Variants in SURF2 observed in about 807,000 individuals in gnomAD.
The protein encoded by SURF2 is surfeit locus protein 2.
In SURF2, 32 loss-of-function variants were observed where a neutral mutation model predicts 26.2. The ratio of observed to expected loss-of-function variants is 1.22; its 90% CI spans 0.92 to 1.64. SURF2 has a LOEUF of 1.64. Among genes scored for constraint, SURF2 ranks in the 40% most tolerant of loss-of-function variants. The probability of loss-of-function intolerance (pLI) is 0.00; values close to 1 mark genes in which losing one functional copy is unlikely to be tolerated. For missense variants in SURF2, 415 were observed against 341.6 expected (o/e 1.21, Z -1.69); for synonymous variants, 173 against 139.1 (o/e 1.24, Z -1.71).
chr9:133,359,787 A>G (rs1047556447), intron 3 of SURF2, among the ~76,000 whole-genome samples, 163 bp from the exon 4 acceptor site: 1 of 152,152 alleles, frequency 6.6e-6, no homozygotes, highest in Non-Finnish European at 1.5e-5. Flanking sequence ...CTCCCTGCAC[A>G]CCTGGTAGGA....
At chr9:133,360,662 C>A (rs1020494960) in intron 5 of SURF2, among the ~76,000 whole-genome samples, 17 of 152,248 alleles carry the variant, frequency 1.1e-4, no homozygotes, top group African/African-American at 3.6e-4. Flanking sequence ...ACGGTCAAGA[C>A]CACTGGTTTG....
rs2130035594 is a variant in SURF2 at position 133,357,698 on chromosome 9, C to T, written c.234-13C>T. On this transcript the variant is annotated splice_polypyrimidine_tract_variant and intron_variant, in intron 2 of 5. Transcript: ENST00000371964. ...TGAACTGTCCCTACAAATTTGGTCT[C>T]TCTGCTCTGTAGGCACCAGTTGTTC... is the stretch of plus-strand genomic sequence containing the variant. 1.5e-5 allele frequency: 25 copies of T among 1,613,488 alleles called. 1 individual carries two copies. In the East Asian group the frequency reaches 2.2e-4, roughly 14 times the overall value.
At chr9:133,359,548 A>T (rs1449238064) in intron 3 of SURF2, among the ~76,000 whole-genome samples, 3 of 152,206 alleles carry the variant, frequency 2.0e-5, no homozygotes, top group Non-Finnish European at 2.9e-5. Flanking sequence ...GGGGTCTCCC[A>T]TGTGCTGAGG....
intron 1 of SURF2, 50 bp downstream of exon 1, chr9:133,356,720 A>T: frequency 8.7e-7 from 1 of 1,145,454 alleles, no homozygotes; most frequent in Non-Finnish European, 1.2e-6. Context: ...CGCAGTTGGG[A>T]TGAGGGGCTG....
intron 5 of SURF2, among the ~76,000 whole-genome samples, 179 bp downstream of exon 5, chr9:133,360,613 T>C (rs1836745387): frequency 6.6e-6 from 1 of 152,218 alleles, no homozygotes; most frequent in Admixed American, 6.5e-5. Flanking sequence ...TACCATTGCT[T>C]CCCAGCCAGC....
At chr9:133,356,716 T>TGGGATGAG in intron 1 of SURF2, 46 bp downstream of exon 1, 1 of 1,417,380 alleles carries the variant, frequency 7.1e-7, no homozygotes, top group Non-Finnish European at 9.2e-7. Flanking sequence ...AGGGCGCAGT[T>TGGGATGAG]GGGATGAGGG....
intron 1 of SURF2, 94 bp downstream of exon 1, chr9:133,356,764 G>GAGGGGAGAGGGGAGAGC (rs1369186993): frequency 1.8e-5 from 23 of 1,290,866 alleles, no homozygotes; most frequent in African/African-American, 9.5e-5. Flanking sequence ...GGGCAGGGGA[G>GAGGGGAGAGGGGAGAGC]AGGGGAGAGG....
At chr9:133,358,567 T>C (rs1391956001) in intron 3 of SURF2, among the ~76,000 whole-genome samples, 2 of 150,586 alleles carry the variant, frequency 1.3e-5, no homozygotes, top group Admixed American at 6.6e-5. Context: ...CCGGCGAGAG[T>C]TTAGAGAAGG....
At chr9:133,357,415 G>A (rs943633565) in intron 2 of SURF2, among the ~76,000 whole-genome samples, 1 of 152,220 alleles carries the variant, frequency 6.6e-6, no homozygotes, top group Non-Finnish European at 1.5e-5. Flanking sequence ...ACAGAGATAG[G>A]ATGTTTCCAT....
rs2130032225 is a variant in SURF2 at position 133,357,026 on chromosome 9, A to G, written c.191A>G (p.Tyr64Cys). 2.5e-6 allele frequency: 4 copies of G among 1,576,626 alleles called. No individual in the cohort carries two copies. The highest frequency in any genetic ancestry group is 1.3e-5 in the African/African-American group (1 of 74,350). The change falls in exon 2 of 6, where the codon TAT (tyrosine) becomes TGT (cysteine). Residue 64 changes from tyrosine to cysteine, a missense_variant. By Grantham distance (194) the Tyr-to-Cys change is radical. Transcript: ENST00000371964. The stretch of plus-strand genomic sequence containing the variant: ...GTCCGCGCCTCCCCGGCCTTCGACT[A>G]TGCAGAGTTCGAGCCGCACATCGTG... ...RLVRASPAFD[Y>C]AEFEPHIVPS...
rs2130048001 is a variant in SURF2 at position 133,360,124 on chromosome 9, A to G, written c.512A>G (p.Tyr171Cys). ...AGTGATGACAGCATGACAGACCTGT[A>G]CCCACGTAAGCAGAACAGGCCCTGC... is the stretch of plus-strand genomic sequence containing the variant. ...AASDDSMTDL[Y>C]PPELFTRKDL... The change falls in exon 4 of 6, where the codon TAC becomes TGC. Residue 171 changes from tyrosine to cysteine, a missense_variant. Physicochemically the swap from Tyr to Cys is radical, Grantham distance 194 (BLOSUM62 -2). Transcript: ENST00000371964. 1.9e-6 allele frequency: 3 copies of G among 1,607,368 alleles called. No individual in the cohort carries two copies. The highest frequency in any genetic ancestry group is 2.6e-6 in the Non-Finnish European group (3 of 1,175,858).
At chr9:133,360,959 C>CT in intron 5 of SURF2, 97 bp from the exon 6 acceptor site, 1 of 1,312,474 alleles carries the variant, frequency 7.6e-7, no homozygotes. Flanking sequence ...TGACCGACAC[C>CT]TCTGAGGCTG....
intron 2 of SURF2, chr9:133,357,279 T>A: frequency 1.8e-6 from 1 of 565,560 alleles, no homozygotes; most frequent in Non-Finnish European, 3.0e-6. Context: ...GGGGTGTGGC[T>A]GCTTCCCAGA....
In SURF2 at chr9:133,356,988, G is replaced by T. The variant is rs2130031732; in HGVS notation, c.153G>T (p.Lys51Asn). Residue 51 changes from lysine to asparagine, a missense_variant, in exon 2 of 6, where the codon AAG becomes AAT. Physicochemically the swap from Lys to Asn is moderately conservative, Grantham distance 94 (BLOSUM62 0). Transcript: ENST00000371964. ...PELQVYTRGKKYQRLVRASPA... is the reference protein window; with the variant it reads ...PELQVYTRGKNYQRLVRASPA... ...TCCAGGTCTACACCCGCGGCAAAAA[G>T]TACCAGCGGCTGGTCCGCGCCTCCC... 1 of 1,572,414 alleles carries T rather than the reference G, an allele frequency of 6.4e-7. No individual in the cohort carries two copies. Among genetic ancestry groups the T allele is most frequent in the Non-Finnish European group, 8.6e-7 (1 of 1,159,626 alleles).
At chr9:133,357,227 G>T (rs1183201741) in intron 2 of SURF2, 159 bp downstream of exon 2, 2 of 882,462 alleles carry the variant, frequency 2.3e-6, no homozygotes, top group East Asian at 3.1e-5. Context: ...CAGCGGCGAG[G>T]CCTCTTGGTG....
At chr9:133,358,385 G>A (rs1564353432) in intron 3 of SURF2, among the ~76,000 whole-genome samples, 1 of 152,134 alleles carries the variant, frequency 6.6e-6, no homozygotes, top group South Asian at 2.1e-4. Context: ...CCTTGACTGC[G>A]GTCATCCAGG....
At chr9:133,356,821 CA>C (rs1836612252) in intron 1 of SURF2, 92 bp from the exon 2 acceptor site, 2 of 1,438,318 alleles carry the variant, frequency 1.4e-6, no homozygotes, top group East Asian at 2.6e-5. Flanking sequence ...GCGGCGGGAT[CA>C]GGGGAGGAGA....
In SURF2 at chr9:133,356,614, G is replaced by A. The variant is rs1464944058; in HGVS notation, c.22G>A (p.Val8Met). 5 of 1,525,396 alleles carry A rather than the reference G, an allele frequency of 3.3e-6. No homozygotes were observed. Among genetic ancestry groups the A allele is most frequent in the African/African-American group, 1.4e-5 (1 of 71,206 alleles). The allele number at this position is 1,525,396 out of a possible 1,614,324, so 94.5% of individuals were successfully genotyped here. ...GGCCATGAGCGAGTTGCCGGGCGAC[G>A]TGCGGGCGTTTCTGCGGGAGCACCC... Reference protein sequence around the residue: MSELPGDVRAFLREHPSL... With the variant: MSELPGDMRAFLREHPSL... The change falls in exon 1 of 6, where the codon GTG becomes ATG. Residue 8 changes from valine to methionine, a missense_variant. Coordinates refer to ENST00000371964, the MANE Select transcript of SURF2 (RefSeq NM_017503.5).
Position 133,356,977 on chromosome 9 carries a change from C to G in SURF2, c.142C>G (p.Arg48Gly), listed in dbSNP as rs1836619631. 1 of 1,571,744 alleles carries G rather than the reference C, an allele frequency of 6.4e-7. No individual in the cohort carries two copies. The highest frequency in any genetic ancestry group is 1.3e-5 in the African/African-American group (1 of 74,236). Residue 48 changes from arginine to glycine, a missense_variant, in exon 2 of 6, where the codon CGC becomes GGC. Arg to Gly is a moderately radical substitution (Grantham distance 125). Transcript: ENST00000371964. ...CCTGCCGGAGCTCCAGGTCTACACC[C>G]GCGGCAAAAAGTACCAGCGGCTGGT... The part of the protein sequence containing the change: ...CRLPELQVYT[R>G]GKKYQRLVRA...
Sources: gnomAD v4.1 joint callset for allele counts (sites outside exome capture counted in the v4.1 genomes callset) on GRCh38, gnomAD v4.1.1 for gene constraint, MANE v1.5 for transcripts, NCBI Gene and HGNC (gene_info 2026-07-23, HGNC 2026-07-21) for gene names.